NEURL1B: variants seen among roughly 807,000 people sequenced by gnomAD.
The protein encoded by NEURL1B is neuralized E3 ubiquitin protein ligase 1B.
NEURL1B carries 13 observed loss-of-function variants against 37.4 expected under a neutral mutation model. The ratio of observed to expected loss-of-function variants is 0.35; its 90% CI spans 0.23 to 0.55. The LOEUF is 0.55. Ranked by LOEUF, NEURL1B falls within the 20% of genes least tolerant of loss-of-function variation. The probability of loss-of-function intolerance (pLI) is 0.89; values close to 1 mark genes in which losing one functional copy is unlikely to be tolerated. For missense variants in NEURL1B, 790 were observed against 879.2 expected (o/e 0.90, Z 1.28); for synonymous variants, 432 against 426.6 (o/e 1.01, Z -0.16).
In NEURL1B at chr5:172,686,591, A is replaced by T. The variant is rs959493833; in HGVS notation, c.1424-90A>T. ...CCAAAAGTATTCTCCCACCGGTCCC[A>T]GCAAGAAGCCCTGCATTCTCGGGGT... On this transcript the variant is annotated intron_variant, in intron 4 of 4. Coordinates refer to ENST00000369800, the MANE Select transcript of NEURL1B (RefSeq NM_001142651.3). The surrounding 1 kb of genome is among the most constrained non-coding windows in gnomAD (Gnocchi z 7.9). 5.0e-6 allele frequency: 7 copies of T among 1,409,462 alleles called. No homozygotes were observed. Among genetic ancestry groups the T allele is most frequent in the Non-Finnish European group, 6.7e-6 (7 of 1,043,102 alleles). 87.3% of individuals were successfully genotyped at this position (1,409,462 alleles called of 1,614,324 possible). A position where few individuals can be genotyped will look rare whatever the true frequency, so the allele number is the denominator to read the frequency against.
chr5:172,668,615 G>A (rs1329938171), intron 1 of NEURL1B, among the ~76,000 whole-genome samples: 1 of 152,246 alleles, frequency 6.6e-6, no homozygotes, highest in Admixed American at 6.5e-5. Context: ...TGTGGGAGGA[G>A]TGGTCTTTCA....
chr5:172,656,600 C>A, intron 1 of NEURL1B: 3 of 1,610,906 alleles, frequency 1.9e-6, no homozygotes, highest in Non-Finnish European at 1.7e-6. Context: ...CCTCGAGTTT[C>A]TTCTGCTCCT....
chr5:172,677,812 C>T (rs1038438711), intron 2 of NEURL1B, among the ~76,000 whole-genome samples: 2 of 152,142 alleles, frequency 1.3e-5, no homozygotes, highest in African/African-American at 2.4e-5. Context: ...CGGTGGCGTC[C>T]GTCTTTTCAA....
intron 3 of NEURL1B, among the ~76,000 whole-genome samples, chr5:172,684,564 T>TAAG (rs1677905366): frequency 6.6e-6 from 1 of 152,150 alleles, no homozygotes; most frequent in Admixed American, 6.5e-5. Flanking sequence ...TAATGCACAG[T>TAAG]AAGTGTAGGG....
chr5:172,654,603 G>T (rs937820354), intron 1 of NEURL1B, among the ~76,000 whole-genome samples: 2 of 137,314 alleles, frequency 1.5e-5, no homozygotes, highest in Non-Finnish European at 3.1e-5. Flanking sequence ...ACTTAGGATA[G>T]TTCTGAACTG....
intron 3 of NEURL1B, among the ~76,000 whole-genome samples, chr5:172,685,847 G>A (rs1758482085): frequency 6.6e-6 from 1 of 152,182 alleles, no homozygotes; most frequent in Admixed American, 6.5e-5. Flanking sequence ...CGGGGGTTAT[G>A]TGCCCTTTCC....
chr5:172,661,103 A>G lies in NEURL1B; in HGVS notation c.32-8682A>G, dbSNP rs1374602016. ...GCCTGCCCCCCTCACCCCAACACACATGAGCACCATGTTGCTTCCTACTGC... is the reference window on the plus strand; with the variant it reads ...GCCTGCCCCCCTCACCCCAACACACGTGAGCACCATGTTGCTTCCTACTGC... On this transcript the variant is annotated intron_variant, in intron 1 of 4. Coordinates refer to ENST00000369800, the MANE Select transcript of NEURL1B (RefSeq NM_001142651.3). The surrounding 1 kb of genome is among the most constrained non-coding windows in gnomAD (Gnocchi z 4.0). Among the ~76,000 whole-genome samples, 6 of 152,106 alleles carry G rather than the reference A, an allele frequency of 3.9e-5. No homozygotes were observed. The highest frequency in any genetic ancestry group is 1.4e-4 in the African/African-American group (6 of 41,412).
At chr5:172,659,165 C>A (rs538986861) in intron 1 of NEURL1B, among the ~76,000 whole-genome samples, 1 of 152,172 alleles carries the variant, frequency 6.6e-6, no homozygotes, top group East Asian at 1.9e-4. Flanking sequence ...AAGTGAGAGA[C>A]CTTGGGACCA....
Position 172,687,134 on chromosome 5 carries a change from C to T in NEURL1B, c.*209C>T, listed in dbSNP as rs575074281. 1.0e-4 allele frequency: 60 copies of T among 583,402 alleles called. No individual in the cohort carries two copies. In the South Asian group the frequency reaches 1.1e-3, roughly 11 times the overall value. 36.1% of individuals were successfully genotyped at this position (583,402 alleles called of 1,614,324 possible). On this transcript the variant is annotated 3_prime_UTR_variant, in exon 5 of 5. Coordinates refer to ENST00000369800, the MANE Select transcript of NEURL1B (RefSeq NM_001142651.3). ...CCAAAGTGCTTTGCCCCCAAAAGGC[C>T]GTCCCAAGAGCAAGCTCAGGAACTG...
Position 172,683,993 on chromosome 5 carries a change from C to T in NEURL1B, c.1152C>T (p.Leu384=). 7.6e-7 allele frequency: 1 copy of T among 1,324,064 alleles called. No individual in the cohort carries two copies. The highest frequency in any genetic ancestry group is 9.7e-7 in the Non-Finnish European group (1 of 1,034,622). The allele number at this position is 1,324,064 out of a possible 1,614,324, so 82.0% of individuals were successfully genotyped here. A position where few individuals can be genotyped will look rare whatever the true frequency, so the allele number is the denominator to read the frequency against. Residue 384 remains leucine (L), a synonymous_variant, in exon 3 of 5, where the codon CTC becomes CTT. Coordinates refer to ENST00000369800, the MANE Select transcript of NEURL1B (RefSeq NM_001142651.3). The surrounding 1 kb of genome is among the most constrained non-coding windows in gnomAD (Gnocchi z 5.6). ...AGPVPSGGDA[L]SFTLRPGGDV... ...CCGTGCCGAGCGGCGGCGACGCGCT[C>T]AGCTTCACGCTGCGGCCCGGCGGCG...
In NEURL1B at chr5:172,648,540, G is replaced by A. The variant is rs540226802; in HGVS notation, c.31+7103G>A. Among the ~76,000 whole-genome samples, 11 of 152,328 alleles carry A rather than the reference G, an allele frequency of 7.2e-5. No individual in the cohort carries two copies. In the East Asian group the frequency reaches 1.9e-3, roughly 27 times the overall value. On this transcript the variant is annotated intron_variant, in intron 1 of 4. Coordinates refer to ENST00000369800, the MANE Select transcript of NEURL1B (RefSeq NM_001142651.3). ...TTGGGAGAACGTAGGCACAGAGAGG[G>A]AAGGTAACTTTCCCAGGGAACACAG... is the stretch of plus-strand genomic sequence containing the variant.
chr5:172,653,992 C>G (rs1274585805), intron 1 of NEURL1B, among the ~76,000 whole-genome samples: 2 of 151,684 alleles, frequency 1.3e-5, no homozygotes, highest in African/African-American at 4.8e-5. Context: ...TCTCCCCCAA[C>G]TTTTTTTTTC....
intron 1 of NEURL1B, among the ~76,000 whole-genome samples, chr5:172,644,221 C>A (rs1199945763): frequency 6.6e-6 from 1 of 152,090 alleles, no homozygotes; most frequent in African/African-American, 2.4e-5. Flanking sequence ...GAATTTAATT[C>A]TTCTAACATC....
At chr5:172,644,347 A>G (rs1757522885) in intron 1 of NEURL1B, among the ~76,000 whole-genome samples, 1 of 152,158 alleles carries the variant, frequency 6.6e-6, no homozygotes, top group African/African-American at 2.4e-5. Flanking sequence ...TGGGATTGCA[A>G]TTTAGGTTAA....
In NEURL1B at chr5:172,670,014, G is replaced by T. The variant is rs1208437389; in HGVS notation, c.261G>T (p.Val87=). ...ACGAGCAGGTGCGGCTGCGCCTGGT[G>T]GCCGTGCGCCCTGGCTGGAGCGGCG... is the stretch of plus-strand genomic sequence containing the variant. ...RLYEQVRLRL[V]AVRPGWSGAL... The change falls in exon 2 of 5, where the codon GTG becomes GTT. Residue 87 remains valine (V), a synonymous_variant. Transcript: ENST00000369800. The T allele has an allele frequency of 1.3e-6, 2 of 1,487,992 alleles. No homozygotes were observed. Among genetic ancestry groups the T allele is most frequent in the Non-Finnish European group, 1.8e-6 (2 of 1,125,218 alleles). 92.2% of individuals were successfully genotyped at this position (1,487,992 alleles called of 1,614,324 possible). A position where few individuals can be genotyped will look rare whatever the true frequency, so the allele number is the denominator to read the frequency against.
intron 1 of NEURL1B, among the ~76,000 whole-genome samples, chr5:172,648,443 T>A (rs1017972049): frequency 1.3e-5 from 2 of 152,346 alleles, no homozygotes; most frequent in Non-Finnish European, 2.9e-5. Context: ...CCAGACAGTG[T>A]TCTCAGCAGG....
intron 1 of NEURL1B, among the ~76,000 whole-genome samples, chr5:172,656,030 G>A (rs546974939): frequency 1.3e-5 from 2 of 152,346 alleles, no homozygotes; most frequent in Admixed American, 6.5e-5. Context: ...GTGCACACTT[G>A]GACGAGGGGA....
intron 1 of NEURL1B, among the ~76,000 whole-genome samples, chr5:172,648,990 G>A (rs983098468): frequency 2.0e-5 from 3 of 152,254 alleles, no homozygotes; most frequent in Non-Finnish European, 4.4e-5. Flanking sequence ...CAGCAGCATA[G>A]TCTGCGGGGG....
chr5:172,658,369 C>T (rs1757833376), intron 1 of NEURL1B, among the ~76,000 whole-genome samples: 1 of 152,196 alleles, frequency 6.6e-6, no homozygotes, highest in South Asian at 2.1e-4. Flanking sequence ...TTCCTGCAGG[C>T]ATCCTCAGTC....
Sources: allele counts gnomAD v4.1 joint callset (sites outside exome capture counted in the v4.1 genomes callset), GRCh38; gene constraint gnomAD v4.1.1; non-coding constraint Gnocchi (gnomAD v3.1); transcripts MANE v1.5; gene names NCBI Gene and HGNC (gene_info 2026-07-23, HGNC 2026-07-21).